The following CSF1R variants were observed in gnomAD, a reference collection of about 807,000 sequenced individuals.
CSF1R encodes the protein colony stimulating factor 1 receptor, also known as macrophage colony-stimulating factor 1 receptor.
In CSF1R, 40 loss-of-function variants were observed where a neutral mutation model predicts 110.0. That is an observed-to-expected ratio of 0.36 (90% CI 0.28 to 0.47). The LOEUF (loss-of-function observed/expected upper bound fraction) is 0.47, where lower values mean the gene tolerates loss of function less well. Ranked by LOEUF, CSF1R falls within the 20% of genes least tolerant of loss-of-function variation. The pLI is 0.99. For missense variants in CSF1R, 1,052 were observed against 1,253.0 expected (o/e 0.84, Z 2.42); for synonymous variants, 523 against 503.4 (o/e 1.04, Z -0.52).
At chr5:150,073,971 G>A (rs138932634) in intron 5 of CSF1R, among the ~76,000 whole-genome samples, 5 of 152,248 alleles carry the variant, frequency 3.3e-5, no homozygotes, top group Non-Finnish European at 4.4e-5. Flanking sequence ...CCTCTGGCCC[G>A]GTGATTGGTT....
At chr5:150,076,341 TC>T (rs1321547668) in intron 5 of CSF1R, among the ~76,000 whole-genome samples, 1 of 140,658 alleles carries the variant, frequency 7.1e-6, no homozygotes, top group Non-Finnish European at 1.5e-5. Flanking sequence ...TATCTATCTA[TC>T]TATCTATCTA....
intron 3 of CSF1R, 53 bp from the exon 4 acceptor site, chr5:150,078,301 G>A (rs1758366628): frequency 6.2e-7 from 1 of 1,602,286 alleles, no homozygotes; most frequent in Non-Finnish European, 8.5e-7. Flanking sequence ...ACATGATAGA[G>A]ATATTGCTCT....
At position 150,083,011 on chromosome 5, in the gene CSF1R, T is replaced by C. The variant is rs559797213; in HGVS notation, c.50-1987A>G. Among the ~76,000 whole-genome samples, 7 of 152,172 alleles carry C rather than the reference T, an allele frequency of 4.6e-5. No homozygotes were observed. The East Asian group carries it at 9.7e-4, about 21-fold the overall frequency. On this transcript the variant is annotated intron_variant, in intron 1 of 20. Coordinates refer to ENST00000675795, the MANE Select transcript of CSF1R (RefSeq NM_001288705.3). Reference sequence around the variant, plus strand: ...AGACCCTGCCTTGGCCTCCAGGAAATGTGGTCAGGGAGCGGTGTCTGCCCT... The same window carrying C: ...AGACCCTGCCTTGGCCTCCAGGAAACGTGGTCAGGGAGCGGTGTCTGCCCT...
Position 150,059,713 on chromosome 5 carries a change from T to C in CSF1R, c.2119A>G (p.Lys707Glu). Residue 707 changes from lysine to glutamate, a missense_variant, in exon 14 of 21, where the codon AAA (lysine) becomes GAA (glutamate). Around this residue, in one of 5 missense-constraint regions of CSF1R, gnomAD observed 124 missense variants for 117.7 expected, o/e 1.05. Transcript: ENST00000675795. ...GCCAGGGGCTACCTGCGGACATATT[T>C]CTTCTCGAGGTGGATGTTCTTATAG... is the stretch of plus-strand genomic sequence containing the variant. ...VDYKNIHLEK[K>E]YVRRDSGFSS... The C allele has an allele frequency of 6.2e-7, 1 of 1,613,928 alleles. No homozygotes were observed. Among genetic ancestry groups the C allele is most frequent in the Non-Finnish European group, 8.5e-7 (1 of 1,179,820 alleles).
Position 150,054,101 on chromosome 5 carries a change from A to G in CSF1R, c.2887T>C (p.Leu963=). Residue 963 remains leucine, a synonymous_variant, in exon 21 of 21, where the codon TTG becomes CTG. Transcript: ENST00000675795. ...CCEQGDIAQP[L]LQPNNYQFC is the part of the protein sequence containing the mutation. ...AACTGATAGTTGTTGGGCTGCAGCA[A>G]GGGCTGGGCGATATCCCCTTGCTCG... 6.2e-7 allele frequency: 1 copy of G among 1,614,164 alleles called. No individual in the cohort carries two copies. Among genetic ancestry groups the G allele is most frequent in the Non-Finnish European group, 8.5e-7 (1 of 1,180,030 alleles).
At chr5:150,086,083 A>C (rs1314078752) in intron 1 of CSF1R, among the ~76,000 whole-genome samples, 2 of 152,120 alleles carry the variant, frequency 1.3e-5, no homozygotes, top group East Asian at 3.9e-4. Flanking sequence ...CAACACCTGC[A>C]ATTGAATAGA....
chr5:150,080,011 C>T lies in CSF1R; in HGVS notation c.592+41G>A, dbSNP rs13188584. 0.12 allele frequency: 196,566 copies of T among 1,591,254 alleles called. 12,590 individuals are homozygous for T. The highest frequency in any genetic ancestry group is 0.13 in the Middle Eastern group (751 of 5,704). On this transcript the variant is annotated intron_variant, in intron 3 of 20. Transcript: ENST00000675795. Reference sequence around the variant, plus strand: ...CATGTGGCCGCCGGCTCTCTGTCCCCACTCTTCAGGCCTGGCTGCCGGTCC... The same window carrying T: ...CATGTGGCCGCCGGCTCTCTGTCCCTACTCTTCAGGCCTGGCTGCCGGTCC...
chr5:150,080,818 C>G lies in CSF1R; in HGVS notation c.256G>C (p.Glu86Gln), dbSNP rs775908212. Residue 86 changes from glutamate to glutamine, a missense_variant, in exon 2 of 21, where the codon GAG (glutamate) becomes CAG (glutamine). Around this residue, in one of 5 missense-constraint regions of CSF1R, gnomAD observed 693 missense variants for 735.4 expected, o/e 0.94. Transcript: ENST00000675795. ...FQNTGTYRCT[E>Q]PGDPLGGSAA... is the part of the protein sequence containing the mutation. ...CTGCCTCCCAGGGGGTCTCCAGGCT[C>G]AGTGCAGCGATAGGTCCCCGTGTTT... The G allele has an allele frequency of 1.9e-6, 3 of 1,613,976 alleles. No individual in the cohort carries two copies. Among genetic ancestry groups the G allele is most frequent in the Admixed American group, 3.3e-5 (2 of 59,988 alleles).
At position 150,079,998 on chromosome 5, in the gene CSF1R, G is replaced by A. The variant is rs41505051; in HGVS notation, c.592+54C>T. ...CCCAGTCACCACCCATGTGGCCGCC[G>A]GCTCTCTGTCCCCACTCTTCAGGCC... On this transcript the variant is annotated intron_variant, in intron 3 of 20. Transcript: ENST00000675795. 7.6e-6 allele frequency: 12 copies of A among 1,577,582 alleles called. No homozygotes were observed. In the Middle Eastern group the frequency reaches 9.3e-4, roughly 122 times the overall value.
At chr5:150,087,647 T>G (rs527525914), upstream of CSF1R, among the ~76,000 whole-genome samples, 1 of 152,246 alleles carries the variant, frequency 6.6e-6, no homozygotes, top group Non-Finnish European at 1.5e-5. Flanking sequence ...CCTCTTTTCC[T>G]GGAGGCAATT....
chr5:150,070,366 C>T (rs2113809613), intron 7 of CSF1R, 64 bp from the exon 8 acceptor site: 1 of 1,594,092 alleles, frequency 6.3e-7, no homozygotes, highest in South Asian at 1.1e-5. Flanking sequence ...CTCCCAGTAC[C>T]TACTTCCCTG....
At chr5:150,061,665 C>G in intron 11 of CSF1R, 58 bp downstream of exon 11, 1 of 1,614,150 alleles carries the variant, frequency 6.2e-7, no homozygotes, top group Non-Finnish European at 8.5e-7. Context: ...CATGGGCTCC[C>G]TGCAACCCCC....
At chr5:150,083,448 C>A (rs1026511020) in intron 1 of CSF1R, among the ~76,000 whole-genome samples, 3 of 151,134 alleles carry the variant, frequency 2.0e-5, no homozygotes, top group African/African-American at 4.9e-5. Context: ...AGGATCTCAT[C>A]GCAGTAATGA....
In CSF1R at chr5:150,057,538, G is replaced by C. The variant is rs1757280733; in HGVS notation, c.2187C>G (p.Val729=). Residue 729 remains valine, a synonymous_variant, in exon 15 of 21, where the codon GTC becomes GTG. Transcript: ENST00000675795. ...AGAAGGAGTCATTTGAAGAAGTGGA[G>C]ACAGGCCTCATCTCCACATAGGTGT... ...GVDTYVEMRP[V]STSSNDSFSE... 6.2e-7 allele frequency: 1 copy of C among 1,614,118 alleles called. No individual in the cohort carries two copies. Among genetic ancestry groups the C allele is most frequent in the African/African-American group, 1.3e-5 (1 of 74,942 alleles).
chr5:150,068,146 G>T, intron 10 of CSF1R, 69 bp downstream of exon 10: 2 of 1,225,224 alleles, frequency 1.6e-6, no homozygotes, highest in Non-Finnish European at 2.3e-6. Flanking sequence ...GTGAATCCAT[G>T]CAGCCTGGGG....
rs192943821 is a variant in CSF1R, at chr5:150,092,378, A to G, written c.-180-5771T>C. 3.3e-5 allele frequency among the ~76,000 whole-genome samples: 5 copies of G among 152,356 alleles called. No individual in the cohort carries two copies. The East Asian group carries it at 9.6e-4, about 29-fold the overall frequency. ...GCAATCTCCACAGGGGATACATTCC[A>G]GTAACCCTGGTGTATGCCTGAAACT... On this transcript the variant is annotated intron_variant, in intron 1 of 21. Transcript: ENST00000286301.
At chr5:150,089,978 C>T (rs1316219982), upstream of CSF1R, among the ~76,000 whole-genome samples, 7 of 152,020 alleles carry the variant, frequency 4.6e-5, no homozygotes, top group Admixed American at 1.3e-4. Context: ...TAGTCACATG[C>T]AGAAGAATGA....
At chr5:150,054,539 A>G in intron 19 of CSF1R, 109 bp from the exon 20 acceptor site, 1 of 814,070 alleles carries the variant, frequency 1.2e-6, no homozygotes. Flanking sequence ...ACCCAGTCAA[A>G]GTAAGTTTAG....
intron 5 of CSF1R, among the ~76,000 whole-genome samples, chr5:150,076,362 CTATCTATCTAT>C (rs1758266071): frequency 1.3e-5 from 2 of 150,454 alleles, no homozygotes; most frequent in Admixed American, 1.3e-4. Context: ...ATCTATCTAT[CTATCTATCTAT>C]CTAATCTATC....
Sources: gnomAD v4.1 joint callset for allele counts (sites outside exome capture counted in the v4.1 genomes callset) on GRCh38, gnomAD v4.1.1 for gene constraint, gnomAD v4.1.1 regional missense constraint, MANE v1.5 for transcripts, NCBI Gene and HGNC (gene_info 2026-07-23, HGNC 2026-07-21) for gene names.